The following ANOS1 variants were observed in gnomAD, a reference collection of about 807,000 sequenced individuals.
The protein encoded by ANOS1 is anosmin-1.
A neutral mutation model predicts 59.0 loss-of-function variants in ANOS1; 6 were observed. That is an observed-to-expected ratio of 0.10 (90% confidence interval 0.06 to 0.20). The LOEUF (loss-of-function observed/expected upper bound fraction) is 0.20, where lower values mean the gene tolerates loss of function less well. ANOS1 is among the 10% of genes least tolerant of loss of function. The pLI, the probability that ANOS1 is intolerant of heterozygous loss-of-function variation, is 1.00. For synonymous variants in ANOS1, 217 were observed against 223.4 expected (o/e 0.97, Z 0.25); for missense variants, 433 against 542.3 (o/e 0.80, Z 2.00).
intron 6 of ANOS1, among the ~76,000 whole-genome samples, chrX:8,583,641 TCTGTACAGAC>T (rs1930462414): frequency 1.8e-5 from 2 of 112,110 alleles, no homozygotes; most frequent in African/African-American, 6.5e-5. Flanking sequence ...TTCCATGAAT[TCTGTACAGAC>T]ATTTTTGGTT....
intron 3 of ANOS1, among the ~76,000 whole-genome samples, chrX:8,600,296 A>G (rs191786939): frequency 8.9e-6 from 1 of 112,552 alleles, no homozygotes; most frequent in African/African-American, 3.2e-5. Context: ...TTAGTGGATG[A>G]CAAAGCATTA....
intron 2 of ANOS1, among the ~76,000 whole-genome samples, chrX:8,654,734 A>C (rs1186856868): frequency 1.8e-5 from 2 of 112,278 alleles, no homozygotes; most frequent in Non-Finnish European, 3.8e-5. Flanking sequence ...CAGCTCCTTA[A>C]AATCAGGGGC....
At chrX:8,613,388 T>C (rs1416217642) in intron 3 of ANOS1, among the ~76,000 whole-genome samples, 2 of 108,650 alleles carry the variant, frequency 1.8e-5, no homozygotes, top group Admixed American at 2.0e-4. Flanking sequence ...TGGCTGATTT[T>C]TTTTATTTTT....
intron 2 of ANOS1, among the ~76,000 whole-genome samples, 183 bp from the exon 3 acceptor site, chrX:8,623,853 C>G (rs1931340403): frequency 9.0e-6 from 1 of 111,209 alleles, no homozygotes; most frequent in Non-Finnish European, 1.9e-5. Flanking sequence ...AGCATCATTA[C>G]AGAACGCGGA....
chrX:8,674,786 CAT>C (rs1351591603), intron 2 of ANOS1, among the ~76,000 whole-genome samples: 3 of 112,438 alleles, frequency 2.7e-5, no homozygotes, highest in African/African-American at 6.5e-5. Context: ...AGAAAATGCA[CAT>C]GTCCCATTCA....
chrX:8,714,319 A>C (rs1427934191), intron 1 of ANOS1, among the ~76,000 whole-genome samples: 1 of 111,950 alleles, frequency 8.9e-6, no homozygotes, highest in East Asian at 2.8e-4. Context: ...TATGTTATAC[A>C]TAACAAGTCA....
chrX:8,564,848 T>A (rs756716820), intron 8 of ANOS1, among the ~76,000 whole-genome samples: 84 of 111,947 alleles, frequency 7.5e-4, no homozygotes, highest in Non-Finnish European at 1.4e-3. Context: ...GGGAACCGCA[T>A]GGCTTACTGA....
At chrX:8,668,732 G>T (rs760218062) in intron 2 of ANOS1, among the ~76,000 whole-genome samples, 1 of 109,415 alleles carries the variant, frequency 9.1e-6, no homozygotes, top group Non-Finnish European at 1.9e-5. Flanking sequence ...CACGTCTATA[G>T]TACCAGAATT....
chrX:8,566,055 C>G (rs1310857896), intron 8 of ANOS1: 52 of 753,248 alleles, frequency 6.9e-5, no homozygotes, highest in Non-Finnish European at 3.1e-6. Flanking sequence ...CTCTAACTCT[C>G]TACACTCATC....
chrX:8,628,640 T>C (rs982342998), intron 2 of ANOS1, among the ~76,000 whole-genome samples: 40 of 112,157 alleles, frequency 3.6e-4, no homozygotes, highest in African/African-American at 1.3e-3. Flanking sequence ...GGCGCCATGA[T>C]CATGTACTGC....
At chrX:8,564,652 G>C (rs1930081905) in intron 8 of ANOS1, among the ~76,000 whole-genome samples, 2 of 111,897 alleles carry the variant, frequency 1.8e-5, no homozygotes, top group Non-Finnish European at 3.8e-5. Flanking sequence ...TCTAGAAACT[G>C]CATGGTGAAG....
At chrX:8,537,130 C>G (rs149477512) in intron 10 of ANOS1, among the ~76,000 whole-genome samples, 188 bp from the exon 11 acceptor site, 685 of 111,779 alleles carry the variant, frequency 6.1e-3, no homozygotes, top group Middle Eastern at 0.019. Flanking sequence ...GTGAAACACT[C>G]CCATGGCTGC....
rs139935002 is a variant in ANOS1 at position 8,648,043 on chromosome X, A to T, written c.256-24373T>A. On this transcript the variant is annotated intron_variant, in intron 2 of 13. Coordinates refer to ENST00000262648, the MANE Select transcript of ANOS1 (RefSeq NM_000216.4). ...TAAACTGTATAAATGTTATAAATTGATAAACTGTACAAATATTATAAATTG... is the reference window on the plus strand; with the variant it reads ...TAAACTGTATAAATGTTATAAATTGTTAAACTGTACAAATATTATAAATTG... 5.6e-3 allele frequency among the ~76,000 whole-genome samples: 635 copies of T among 112,667 alleles called. 5 individuals are homozygous for T. The highest frequency in any genetic ancestry group is 0.02 in the African/African-American group (610 of 31,042).
intron 3 of ANOS1, among the ~76,000 whole-genome samples, chrX:8,609,094 T>A (rs1346345572): frequency 8.9e-6 from 1 of 112,140 alleles, no homozygotes; most frequent in African/African-American, 3.2e-5. Context: ...GGACATTAGG[T>A]AATATCTGGA....
chrX:8,597,171 G>A lies in ANOS1; in HGVS notation c.404C>T (p.Pro135Leu), dbSNP rs1057519373. ...AAATCCACTGGCTTTCTCAGGAGCCGGACAGTCCCCCTGCTTCACCAACAG... is the reference window on the plus strand; with the variant it reads ...AAATCCACTGGCTTTCTCAGGAGCCAGACAGTCCCCCTGCTTCACCAACAG... ...YILLVKQGDC[P>L]APEKASGFAA... The change falls in exon 4 of 14, where the codon CCG becomes CTG. Residue 135 changes from proline to leucine, a missense_variant. Pro to Leu is a moderately conservative substitution (Grantham distance 98, BLOSUM62 -3). Transcript: ENST00000262648. 17 of 1,209,576 alleles carry A rather than the reference G, an allele frequency of 1.4e-5. No individual in the cohort carries two copies. The highest frequency in any genetic ancestry group is 3.0e-5 in the East Asian group (1 of 33,741).
rs1183038353 is a variant in ANOS1, at chrX:8,659,326, G to C, written c.256-35656C>G. Among the ~76,000 whole-genome samples, 5 of 107,916 alleles carry C rather than the reference G, an allele frequency of 4.6e-5. No individual in the cohort carries two copies. In the Admixed American group the frequency reaches 5.0e-4, roughly 11 times the overall value. 93.7% of individuals were successfully genotyped at this position (107,916 alleles called of 115,157 possible). On this transcript the variant is annotated intron_variant, in intron 2 of 13. Coordinates refer to ENST00000262648, the MANE Select transcript of ANOS1 (RefSeq NM_000216.4). ...CTCTGGAGGCTAAGTCAGGAGGATTGAATGTGACCAGGAAGTAGAAGCTAC... is the reference window on the plus strand; with the variant it reads ...CTCTGGAGGCTAAGTCAGGAGGATTCAATGTGACCAGGAAGTAGAAGCTAC...
rs189674170 is a variant in ANOS1, at chrX:8,718,838, G to T, written c.207+12992C>A. Among the ~76,000 whole-genome samples, 4 of 111,999 alleles carry T rather than the reference G, an allele frequency of 3.6e-5. No individual in the cohort carries two copies. In the Admixed American group the frequency reaches 3.8e-4, roughly 11 times the overall value. On this transcript the variant is annotated intron_variant, in intron 1 of 13. Coordinates refer to ENST00000262648, the MANE Select transcript of ANOS1 (RefSeq NM_000216.4). ...TGGGCAGAAATGACCATCAAGCGAG[G>T]GATAAAACAGCAGTTGGCAGAGACA...
chrX:8,685,586 GAGAA>G (rs1319051845), intron 2 of ANOS1, among the ~76,000 whole-genome samples: 5 of 60,771 alleles, frequency 8.2e-5, no homozygotes, highest in African/African-American at 1.8e-4. Context: ...AGGAAAGAAA[GAGAA>G]AGAAAGGAAG....
chrX:8,716,878 G>C (rs1932844576), intron 1 of ANOS1, among the ~76,000 whole-genome samples: 1 of 111,950 alleles, frequency 8.9e-6, no homozygotes, highest in African/African-American at 3.2e-5. Flanking sequence ...CAGACACAGA[G>C]ATAGAGACCC....
Sources: gnomAD v4.1 joint callset for allele counts (sites outside exome capture counted in the v4.1 genomes callset) on GRCh38, gnomAD v4.1.1 for gene constraint, MANE v1.5 for transcripts, NCBI Gene and HGNC (gene_info 2026-07-23, HGNC 2026-07-21) for gene names.